SERPINB5: variants seen among roughly 807,000 people sequenced by gnomAD.
SERPINB5 encodes the protein serpin B5.
A neutral mutation model predicts 32.2 loss-of-function variants in SERPINB5; 27 were observed. That is an observed-to-expected ratio of 0.84 (90% CI 0.62 to 1.16). SERPINB5 has a LOEUF of 1.16. Ranked by LOEUF, SERPINB5 falls within the 50% of genes most tolerant of loss-of-function variation. SERPINB5 has a pLI of 0.00. For missense variants in SERPINB5, 388 were observed against 436.3 expected (o/e 0.89, Z 0.99); for synonymous variants, 154 against 157.4 (o/e 0.98, Z 0.16).
intron 6 of SERPINB5, among the ~76,000 whole-genome samples, chr18:63,501,346 A>G (rs1251940644): frequency 1.3e-5 from 2 of 151,970 alleles, no homozygotes; most frequent in Non-Finnish European, 2.9e-5. Flanking sequence ...TTCCAGCTTC[A>G]TCCGTGTCCC....
At chr18:63,481,088 A>G (rs1288282314) in intron 1 of SERPINB5, among the ~76,000 whole-genome samples, 2 of 152,242 alleles carry the variant, frequency 1.3e-5, no homozygotes, top group African/African-American at 2.4e-5. Context: ...TCAGATGTGC[A>G]CTGATTTACA....
rs761890784 is a variant in SERPINB5 at position 63,503,413 on chromosome 18, T to A, written c.819T>A (p.Ile273=). The A allele has an allele frequency of 6.2e-7, 1 of 1,614,098 alleles. No homozygotes were observed. The highest frequency in any genetic ancestry group is 8.5e-7 in the Non-Finnish European group (1 of 1,180,042). The change falls in exon 7 of 7, where the codon ATT becomes ATA. Residue 273 remains isoleucine (I), a synonymous_variant. Transcript: ENST00000382771. ...TMANAKVKLS[I]PKFKVEKMID... ...CCAATGCCAAGGTCAAACTCTCCAT[T>A]CCAAAATTTAAGGTGGAAAAGATGA...
Position 63,503,427 on chromosome 18 carries a change from TG to T in SERPINB5, c.835del (p.Glu279LysfsTer3), listed in dbSNP as rs779201843. ...KVKLSIPKFK[V>X]EKMIDPKACL... ...AAACTCTCCATTCCAAAATTTAAGG[TG>T]GAAAAGATGATTGATCCCAAGGCTT... On this transcript the variant is annotated frameshift_variant, in exon 7 of 7. Coordinates refer to ENST00000382771, the MANE Select transcript of SERPINB5 (RefSeq NM_002639.5). LOFTEE classifies it high-confidence loss of function. The T allele has an allele frequency of 9.3e-6, 15 of 1,614,080 alleles. No individual in the cohort carries two copies. In the South Asian group the frequency reaches 1.6e-4, roughly 18 times the overall value.
chr18:63,502,680 G>A lies in SERPINB5; in HGVS notation c.736-650G>A, dbSNP rs188758162. 4.6e-3 allele frequency among the ~76,000 whole-genome samples: 706 copies of A among 152,150 alleles called. 4 individuals are homozygous for A. Among genetic ancestry groups the A allele is most frequent in the Non-Finnish European group, 6.3e-3 (430 of 68,020 alleles). ...CTAATTTTATATTCATTTCACTATT[G>A]TGTATGCAACATCATGATCCAGGCA... On this transcript the variant is annotated intron_variant, in intron 6 of 6. Transcript: ENST00000382771.
At chr18:63,489,079 G>A (rs192034979) in intron 3 of SERPINB5, among the ~76,000 whole-genome samples, 2 of 152,064 alleles carry the variant, frequency 1.3e-5, no homozygotes, top group Admixed American at 1.3e-4. Context: ...TAAGAGAATT[G>A]GGCATATTTA....
intron 2 of SERPINB5, chr18:63,485,861 C>G (rs1387685759): frequency 6.5e-6 from 1 of 152,846 alleles, no homozygotes; most frequent in South Asian, 2.1e-4. Context: ...GACAATGTGC[C>G]GGTTTGGCAG....
Position 63,487,023 on chromosome 18 carries a change from C to T in SERPINB5, c.246C>T (p.Ser82=). 6.2e-7 allele frequency: 1 copy of T among 1,614,038 alleles called. No homozygotes were observed. The change falls in exon 3 of 7, where the codon TCC becomes TCT. Residue 82 remains serine (S), a synonymous_variant. Coordinates refer to ENST00000382771, the MANE Select transcript of SERPINB5 (RefSeq NM_002639.5). ...CATCGGATGTAAACAAACTTAGTTC[C>T]TTTTACTCACTGAAACTAATCAAGC... is the stretch of plus-strand genomic sequence containing the variant. ...TVTSDVNKLS[S]FYSLKLIKRL...
rs762422226 is a variant in SERPINB5 at position 63,489,316 on chromosome 18, ACT to A, written c.307-28_307-27del. ...TAACAATGCAATAGCTTGACTACAG[ACT>A]CTGATTTTATGAACTGCATGTTTTT... On this transcript the variant is annotated intron_variant, in intron 3 of 6. Coordinates refer to ENST00000382771, the MANE Select transcript of SERPINB5 (RefSeq NM_002639.5). 19 of 1,243,538 alleles carry A rather than the reference ACT, an allele frequency of 1.5e-5. No homozygotes were observed. In the Admixed American group the frequency reaches 1.8e-4, roughly 12 times the overall value. The allele number at this position is 1,243,538 out of a possible 1,614,324, so 77.0% of individuals were successfully genotyped here. A position where few individuals can be genotyped will look rare whatever the true frequency, so the allele number is the denominator to read the frequency against.
At chr18:63,494,923 T>C (rs1255621098) in intron 5 of SERPINB5, among the ~76,000 whole-genome samples, 1 of 152,208 alleles carries the variant, frequency 6.6e-6, no homozygotes. Context: ...GCTGAATGAA[T>C]GATCAGTCCC....
At chr18:63,484,773 G>A (rs1442746058) in intron 2 of SERPINB5, among the ~76,000 whole-genome samples, 177 bp downstream of exon 2, 6 of 41,326 alleles carry the variant, frequency 1.5e-4, no homozygotes, top group African/African-American at 3.2e-4. Context: ...TGTGAGACAG[G>A]GTCCCACTCT....
At chr18:63,493,758 C>G (rs1344064574) in intron 5 of SERPINB5, 1 of 152,772 alleles carries the variant, frequency 6.5e-6, no homozygotes, top group Non-Finnish European at 1.5e-5. Context: ...ACATGGGAGG[C>G]TGAGGCAGGA....
chr18:63,489,099 T>G (rs973450568), intron 3 of SERPINB5, among the ~76,000 whole-genome samples: 16 of 152,240 alleles, frequency 1.1e-4, no homozygotes, highest in African/African-American at 3.9e-4. Flanking sequence ...AACATAGTGT[T>G]TTCCCCAAAG....
chr18:63,500,840 A>C (rs1909555668), intron 6 of SERPINB5, among the ~76,000 whole-genome samples: 1 of 151,838 alleles, frequency 6.6e-6, no homozygotes, highest in Non-Finnish European at 1.5e-5. Flanking sequence ...TGTTTTAGCC[A>C]CCACTTTATT....
At position 63,498,628 on chromosome 18, in the gene SERPINB5, T is replaced by C. The variant is rs1909500395; in HGVS notation, c.568-492T>C. 6.6e-6 allele frequency among the ~76,000 whole-genome samples: 1 copy of C among 152,112 alleles called. No homozygotes were observed. The highest frequency in any genetic ancestry group is 6.6e-5 in the Admixed American group (1 of 15,264). ...AGATTATAAAGTATATGAATAACTT[T>C]TCAAAGGAACACAAACTCTTCACAG... On this transcript the variant is annotated intron_variant, in intron 5 of 6. Transcript: ENST00000382771. This position sits in a 1 kb window ranked among gnomAD's most constrained non-coding sequence, Gnocchi z 4.2.
In SERPINB5 at chr18:63,503,882, CCT is replaced by C. The variant is rs1909624739; in HGVS notation, c.*161_*162del. On this transcript the variant is annotated 3_prime_UTR_variant, in exon 7 of 7. Coordinates refer to ENST00000382771, the MANE Select transcript of SERPINB5 (RefSeq NM_002639.5). ...CATATGTAGCCTTCACACAGATAGA[CCT>C]TTTTTTTTTTTCCAATTCTATCTTT... 4.9e-6 allele frequency: 3 copies of C among 615,704 alleles called. No individual in the cohort carries two copies. The East Asian group carries it at 8.5e-5, about 17-fold the overall frequency. 38.1% of individuals were successfully genotyped at this position (615,704 alleles called of 1,614,324 possible).
At chr18:63,497,499 G>GTAAAAA in intron 5 of SERPINB5, 2 of 222,794 alleles carry the variant, frequency 9.0e-6, no homozygotes, top group Non-Finnish European at 1.7e-5. Flanking sequence ...CAACGTTTCT[G>GTAAAAA]AAAAAAAAAA....
At position 63,504,157 on chromosome 18, in the gene SERPINB5, C is replaced by T. The variant is rs1568113880; in HGVS notation, c.*435C>T. ...CTGAAAGACTGAAGAAAGTGTAGTG[C>T]ATGGGACCCACGAAACTGCCCTGGC... is the stretch of plus-strand genomic sequence containing the variant. On this transcript the variant is annotated 3_prime_UTR_variant, in exon 7 of 7. Transcript: ENST00000382771. 2.3e-5 allele frequency: 4 copies of T among 177,304 alleles called. No individual in the cohort carries two copies. Among genetic ancestry groups the T allele is most frequent in the African/African-American group, 2.4e-5 (1 of 41,614 alleles). 11.0% of individuals were successfully genotyped at this position (177,304 alleles called of 1,614,324 possible). A position where few individuals can be genotyped will look rare whatever the true frequency, so the allele number is the denominator to read the frequency against.
At position 63,503,646 on chromosome 18, in the gene SERPINB5, AC is replaced by A; in HGVS notation, c.1054del (p.His352IlefsTer31). 2 of 1,614,190 alleles carry A rather than the reference AC, an allele frequency of 1.2e-6. No homozygotes were observed. ...CAGCACAAGGATGAATTGAATGCTG[AC>A]CATCCCTTTATTTACATCATCAGGC... The part of the protein sequence containing the change: ...ILQHKDELNA[D>X]HPFIYIIRHN... On this transcript the variant is annotated frameshift_variant, in exon 7 of 7. Transcript: ENST00000382771. LOFTEE classifies it high-confidence loss of function.
At position 63,479,214 on chromosome 18, in the gene SERPINB5, A is replaced by G. The variant is rs180974081; in HGVS notation, c.-8+2169A>G. On this transcript the variant is annotated intron_variant, in intron 1 of 6. Coordinates refer to ENST00000382771, the MANE Select transcript of SERPINB5 (RefSeq NM_002639.5). ...GGATATGTTTGAGAGTAAACGGGGC[A>G]CTGTTATCAATGTCAAGACAACAGA... Among the ~76,000 whole-genome samples the G allele has an allele frequency of 7.0e-3, 1,060 of 152,312 alleles. 11 individuals are homozygous for G. The highest frequency in any genetic ancestry group is 0.025 in the African/African-American group (1,035 of 41,554).
Sources: allele counts gnomAD v4.1 joint callset (sites outside exome capture counted in the v4.1 genomes callset), GRCh38; gene constraint gnomAD v4.1.1; non-coding constraint Gnocchi (gnomAD v3.1); transcripts MANE v1.5; gene names NCBI Gene and HGNC (gene_info 2026-07-23, HGNC 2026-07-21).